The following ZBTB20 variants were observed in gnomAD, a reference collection of about 807,000 sequenced individuals.
The protein encoded by ZBTB20 is zinc finger and BTB domain-containing protein 20.
ZBTB20 carries 9 observed loss-of-function variants against 56.9 expected under a neutral mutation model. That is an observed-to-expected ratio of 0.16 (90% CI 0.10 to 0.28). The LOEUF (loss-of-function observed/expected upper bound fraction) is 0.28, where lower values mean the gene tolerates loss of function less well. Ranked by LOEUF, ZBTB20 falls within the 10% of genes least tolerant of loss-of-function variation. The probability of loss-of-function intolerance (pLI) is 1.00; values close to 1 mark genes in which losing one functional copy is unlikely to be tolerated. For synonymous variants in ZBTB20, 417 were observed against 420.7 expected (o/e 0.99, Z 0.11); for missense variants, 655 against 1,003.0 (o/e 0.65, Z 4.69).
At chr3:114,888,670 A>G (rs2076695227) in intron 4 of ZBTB20, among the ~76,000 whole-genome samples, 1 of 152,220 alleles carries the variant, frequency 6.6e-6, no homozygotes, top group South Asian at 2.1e-4. Flanking sequence ...AGTATATACT[A>G]TCATGAGACT....
intron 6 of ZBTB20, among the ~76,000 whole-genome samples, chr3:114,621,372 T>C (rs1264776095): frequency 6.6e-6 from 1 of 152,214 alleles, no homozygotes. Context: ...CAAGTAAGCC[T>C]GGCTAGAATT....
intron 6 of ZBTB20, among the ~76,000 whole-genome samples, chr3:114,538,807 G>A (rs537770994): frequency 1.3e-5 from 2 of 152,182 alleles, no homozygotes; most frequent in Admixed American, 6.6e-5. Context: ...TGCAAAAAAA[G>A]CACAGTTATG....
intron 2 of ZBTB20, among the ~76,000 whole-genome samples, chr3:115,068,042 G>C (rs956543093): frequency 2.6e-5 from 4 of 151,952 alleles, no homozygotes; most frequent in Non-Finnish European, 5.9e-5. Context: ...TGCCTAGAAA[G>C]GTACTTAACA....
At chr3:114,628,010 A>T (rs2058738790) in intron 6 of ZBTB20, among the ~76,000 whole-genome samples, 1 of 152,160 alleles carries the variant, frequency 6.6e-6, no homozygotes, top group African/African-American at 2.4e-5. Context: ...CAAGTCCCTT[A>T]ACTCCCCATG....
intron 2 of ZBTB20, among the ~76,000 whole-genome samples, chr3:115,039,463 C>A (rs751249630): frequency 6.6e-6 from 1 of 151,610 alleles, no homozygotes; most frequent in African/African-American, 2.4e-5. Context: ...TAAATAAGAA[C>A]CTCTTAACAT....
At chr3:115,066,619 T>C (rs1328583547) in intron 2 of ZBTB20, among the ~76,000 whole-genome samples, 1 of 152,118 alleles carries the variant, frequency 6.6e-6, no homozygotes, top group Non-Finnish European at 1.5e-5. Flanking sequence ...TTTCCTCACT[T>C]AAAACCCTTC....
intron 1 of ZBTB20, among the ~76,000 whole-genome samples, chr3:115,137,378 C>T (rs1463991370): frequency 6.6e-6 from 1 of 151,996 alleles, no homozygotes; most frequent in East Asian, 1.9e-4. Context: ...TTTAAATTAT[C>T]TGCAATAAAA....
intron 3 of ZBTB20, chr3:114,931,361 T>C (rs1418477945): frequency 4.2e-6 from 1 of 239,112 alleles, no homozygotes; most frequent in South Asian, 6.4e-5. Flanking sequence ...CTATGTAGAC[T>C]CCCAGAAAAC....
intron 10 of ZBTB20, among the ~76,000 whole-genome samples, chr3:114,360,985 A>C (rs1197145549): frequency 6.6e-6 from 1 of 152,214 alleles, no homozygotes; most frequent in South Asian, 2.1e-4. Context: ...AGTAGAAGGC[A>C]TACTTTATAA....
At chr3:114,977,467 G>T (rs1007303847) in intron 2 of ZBTB20, among the ~76,000 whole-genome samples, 1 of 152,160 alleles carries the variant, frequency 6.6e-6, no homozygotes, top group Non-Finnish European at 1.5e-5. Context: ...TTAAATATAA[G>T]TGACAGTGTG....
intron 5 of ZBTB20, among the ~76,000 whole-genome samples, chr3:114,757,477 A>G (rs2068089174): frequency 6.6e-6 from 1 of 152,004 alleles, no homozygotes; most frequent in Admixed American, 6.6e-5. Flanking sequence ...ATTTCTCATA[A>G]CTCTGTGGTA....
chr3:114,329,635 A>G lies in ZBTB20; in HGVS notation c.*9370T>C, dbSNP rs552233841. On this transcript the variant is annotated 3_prime_UTR_variant, in exon 12 of 12. Transcript: ENST00000675478. ...CCTCAGATTTAAAAATGTCTCAGAT[A>G]GATATTTCCAAATTCTATTTCTATT... is the stretch of plus-strand genomic sequence containing the variant. The G allele has an allele frequency of 6.8e-6, 1 of 146,234 alleles. No homozygotes were observed. Among genetic ancestry groups the G allele is most frequent in the Non-Finnish European group, 1.5e-5 (1 of 66,150 alleles). 9.1% of individuals were successfully genotyped at this position (146,234 alleles called of 1,614,324 possible). A position where few individuals can be genotyped will look rare whatever the true frequency, so the allele number is the denominator to read the frequency against.
intron 6 of ZBTB20, among the ~76,000 whole-genome samples, chr3:114,653,480 T>C (rs2060233749): frequency 6.6e-6 from 1 of 151,982 alleles, no homozygotes; most frequent in Non-Finnish European, 1.5e-5. Context: ...TACTTGATCA[T>C]GAGGTATTAT....
At chr3:114,758,425 ATAATGTCCC>A (rs1171420485) in intron 5 of ZBTB20, among the ~76,000 whole-genome samples, 2 of 152,164 alleles carry the variant, frequency 1.3e-5, no homozygotes, top group Admixed American at 6.6e-5. Context: ...TTCCAAAACT[ATAATGTCCC>A]TTTAGAAATT....
intron 6 of ZBTB20, among the ~76,000 whole-genome samples, chr3:114,615,876 C>T (rs1256575013): frequency 6.6e-6 from 1 of 152,210 alleles, no homozygotes; most frequent in Non-Finnish European, 1.5e-5. Context: ...GAGCTCTGCT[C>T]TTGCAGTTTA....
intron 1 of ZBTB20, among the ~76,000 whole-genome samples, chr3:115,078,229 A>G (rs1330348009): frequency 2.0e-5 from 3 of 152,150 alleles, no homozygotes; most frequent in African/African-American, 7.2e-5. Flanking sequence ...ATCTAGAACA[A>G]CGTGTTATTG....
At chr3:114,376,031 C>A (rs1455976314) in intron 10 of ZBTB20, among the ~76,000 whole-genome samples, 1 of 152,196 alleles carries the variant, frequency 6.6e-6, no homozygotes, top group African/African-American at 2.4e-5. Context: ...TTATTACATG[C>A]CAAAAATTAC....
chr3:115,133,904 T>C (rs573946463), intron 1 of ZBTB20, among the ~76,000 whole-genome samples: 19 of 152,350 alleles, frequency 1.2e-4, no homozygotes, highest in African/African-American at 4.6e-4. Context: ...CAGAGTGGAA[T>C]TGACAGGCTC....
rs375826172 is a variant in ZBTB20 at position 114,922,645 on chromosome 3, T to A, written c.-455-22303A>T. Among the ~76,000 whole-genome samples, 13 of 152,310 alleles carry A rather than the reference T, an allele frequency of 8.5e-5. No individual in the cohort carries two copies. In the East Asian group the frequency reaches 2.3e-3, roughly 27 times the overall value. ...TTTTTTGGCTCATGGCTTTTCCGGA[T>A]GTACAAGAAGCATGGCACCAGCTCC... On this transcript the variant is annotated intron_variant, in intron 3 of 11. Transcript: ENST00000675478.
Sources: allele counts gnomAD v4.1 joint callset (sites outside exome capture counted in the v4.1 genomes callset), GRCh38; gene constraint gnomAD v4.1.1; transcripts MANE v1.5; gene names NCBI Gene and HGNC (gene_info 2026-07-23, HGNC 2026-07-21).